The following DOCK4 variants were observed in gnomAD, a reference collection of about 807,000 sequenced individuals.
DOCK4 encodes dedicator of cytokinesis 4.
In DOCK4, 97 loss-of-function variants were observed where a neutral mutation model predicts 268.1. That is an observed-to-expected ratio of 0.36 (90% CI 0.31 to 0.43). The LOEUF (loss-of-function observed/expected upper bound fraction) is 0.43, where lower values mean the gene tolerates loss of function less well. Among genes scored for constraint, DOCK4 ranks in the 20% least tolerant of loss-of-function variants. The pLI, the probability that DOCK4 is intolerant of heterozygous loss-of-function variation, is 1.00. For synonymous variants in DOCK4, 954 were observed against 887.2 expected, an observed-to-expected ratio of 1.08 and a Z score of -1.34; for missense variants, 2,145 against 2,455.7, an observed-to-expected ratio of 0.87 and a Z score of 2.67.
intron 16 of DOCK4, among the ~76,000 whole-genome samples, chr7:111,884,772 A>G (rs1014470959): frequency 1.3e-5 from 2 of 152,194 alleles, no homozygotes; most frequent in African/African-American, 4.8e-5. Context: ...GAGCTTAGGA[A>G]CACAACAAAT....
chr7:111,872,099 A>C lies in DOCK4; in HGVS notation c.1927-9T>G, dbSNP rs1431921732. On this transcript the variant is annotated splice_polypyrimidine_tract_variant and intron_variant, in intron 19 of 52. Transcript: ENST00000428084. ...AAATTTATTATGTGAACCTAAAAAA[A>C]GAAAATTGAGCTTTATAAAACTAAA... 2.6e-6 allele frequency: 4 copies of C among 1,519,858 alleles called. No homozygotes were observed. Among genetic ancestry groups the C allele is most frequent in the Non-Finnish European group, 3.5e-6 (4 of 1,136,310 alleles). The allele number at this position is 1,519,858 out of a possible 1,614,324, so 94.1% of individuals were successfully genotyped here.
chr7:112,040,236 CTCA>C (rs1320291406), intron 1 of DOCK4, among the ~76,000 whole-genome samples: 20 of 152,144 alleles, frequency 1.3e-4, no homozygotes, highest in African/African-American at 4.8e-4. Flanking sequence ...TAGCTTCTAA[CTCA>C]TCAGAATTCT....
intron 12 of DOCK4, among the ~76,000 whole-genome samples, chr7:111,927,434 C>A (rs951388379): frequency 6.6e-6 from 1 of 152,154 alleles, no homozygotes; most frequent in African/African-American, 2.4e-5. Flanking sequence ...GTCTTAACTA[C>A]AAAAGAAATC....
At chr7:111,802,808 T>C (rs1800401710) in intron 30 of DOCK4, among the ~76,000 whole-genome samples, 1 of 152,178 alleles carries the variant, frequency 6.6e-6, no homozygotes, top group Non-Finnish European at 1.5e-5. Flanking sequence ...CATACATCCA[T>C]CATCTAGCTT....
intron 19 of DOCK4, 82 bp from the exon 20 acceptor site, chr7:111,872,172 T>C: frequency 1.5e-6 from 2 of 1,369,266 alleles, no homozygotes; most frequent in South Asian, 2.8e-5. Context: ...TAAAATGAAC[T>C]CTTACATTAT....
chr7:111,840,668 T>C, intron 25 of DOCK4: 1 of 383,246 alleles, frequency 2.6e-6, no homozygotes, highest in Non-Finnish European at 4.1e-6. Flanking sequence ...CCAGTGCTCA[T>C]GCTGGTGTGG....
intron 8 of DOCK4, among the ~76,000 whole-genome samples, chr7:111,958,686 T>C (rs1796626928): frequency 6.6e-6 from 1 of 152,214 alleles, no homozygotes; most frequent in African/African-American, 2.4e-5. Context: ...TTTGGTTTTC[T>C]GCAACTTGGA....
At chr7:111,960,542 T>C (rs1165078276) in intron 8 of DOCK4, among the ~76,000 whole-genome samples, 3 of 146,724 alleles carry the variant, frequency 2.0e-5, no homozygotes, top group African/African-American at 7.5e-5. Context: ...TTTTTTTTTT[T>C]TTTTTGGTGA....
intron 14 of DOCK4, among the ~76,000 whole-genome samples, chr7:111,901,410 A>G (rs565617502): frequency 6.6e-6 from 1 of 152,040 alleles, no homozygotes; most frequent in East Asian, 1.9e-4. Flanking sequence ...TGAATTAAGC[A>G]AACTGTAAAA....
intron 26 of DOCK4, among the ~76,000 whole-genome samples, chr7:111,830,793 T>C (rs1019073663): frequency 2.6e-5 from 4 of 151,512 alleles, no homozygotes; most frequent in African/African-American, 9.7e-5. Context: ...CTGTATATTT[T>C]CCTTTTTTTT....
At chr7:112,056,501 T>A (rs547927603) in intron 1 of DOCK4, among the ~76,000 whole-genome samples, 10 of 152,176 alleles carry the variant, frequency 6.6e-5, no homozygotes, top group Non-Finnish European at 1.0e-4. Context: ...CTTTCCTGCA[T>A]CACAGGGTAA....
chr7:111,932,863 G>A (rs1233405109), intron 12 of DOCK4, among the ~76,000 whole-genome samples: 1 of 151,862 alleles, frequency 6.6e-6, no homozygotes, highest in Non-Finnish European at 1.5e-5. Context: ...CACAGGTCTA[G>A]GGTAAATTTA....
In DOCK4 at chr7:111,843,525, C is replaced by T. The variant is rs115565003; in HGVS notation, c.2736+1238G>A. 2.6e-3 allele frequency among the ~76,000 whole-genome samples: 401 copies of T among 152,220 alleles called. 4 individuals carry two copies. Among genetic ancestry groups the T allele is most frequent in the African/African-American group, 9.3e-3 (385 of 41,540 alleles). On this transcript the variant is annotated intron_variant, in intron 25 of 52. Coordinates refer to ENST00000428084, the MANE Select transcript of DOCK4 (RefSeq NM_001363540.2). ...AAATTAAAACTACAATAAGATATCACTACATAGCTATCAGAATGCTCTCCA... is the reference window on the plus strand; with the variant it reads ...AAATTAAAACTACAATAAGATATCATTACATAGCTATCAGAATGCTCTCCA...
chr7:111,947,728 AT>A (rs1044483869), intron 8 of DOCK4, among the ~76,000 whole-genome samples: 7 of 151,914 alleles, frequency 4.6e-5, no homozygotes, highest in Admixed American at 1.3e-4. Context: ...TATCATTTTA[AT>A]TTTTTTTGGG....
At chr7:112,132,196 G>A (rs536243268) in intron 1 of DOCK4, among the ~76,000 whole-genome samples, 52 of 152,162 alleles carry the variant, frequency 3.4e-4, no homozygotes, top group African/African-American at 1.2e-3. Flanking sequence ...CCCTACTTTA[G>A]AGCCGGAGGA....
intron 1 of DOCK4, among the ~76,000 whole-genome samples, chr7:112,160,645 G>C (rs1291675733): frequency 6.6e-6 from 1 of 152,202 alleles, no homozygotes; most frequent in Non-Finnish European, 1.5e-5. Flanking sequence ...ATCTCCTTAA[G>C]CAGGCACCCC....
chr7:111,800,802 G>A (rs922828970), intron 30 of DOCK4, among the ~76,000 whole-genome samples: 1 of 151,920 alleles, frequency 6.6e-6, no homozygotes, highest in Non-Finnish European at 1.5e-5. Context: ...TCCCCCACAC[G>A]ACACCCCTTT....
chr7:111,915,823 A>G lies in DOCK4; in HGVS notation c.1148T>C (p.Val383Ala). 6.2e-7 allele frequency: 1 copy of G among 1,612,816 alleles called. No homozygotes were observed. The highest frequency in any genetic ancestry group is 2.2e-5 in the East Asian group (1 of 44,842). ...REYSSVFSHGVSITRKLGFSN... is the reference protein window; with the variant it reads ...REYSSVFSHGASITRKLGFSN... Reference sequence around the variant, plus strand: ...AAATCCCAGCTTCCTTGTTATGGATACTCCATGAGAAAATACTGATGAATA... The same window carrying G: ...AAATCCCAGCTTCCTTGTTATGGATGCTCCATGAGAAAATACTGATGAATA... The change falls in exon 13 of 53, where the codon GTA becomes GCA. Residue 383 changes from valine to alanine, a missense_variant. Physicochemically the swap from Val to Ala is moderately conservative, Grantham distance 64. This residue lies in a region of DOCK4 where 1,598 missense variants were observed against 1,986.7 expected (regional missense o/e 0.80). Transcript: ENST00000428084.
chr7:112,073,464 T>G (rs1406638666), intron 1 of DOCK4, among the ~76,000 whole-genome samples: 1 of 152,130 alleles, frequency 6.6e-6, no homozygotes, highest in Admixed American at 6.5e-5. Context: ...ATAATACATG[T>G]ATTACATGTA....
Sources: gnomAD v4.1 joint callset for allele counts (sites outside exome capture counted in the v4.1 genomes callset) on GRCh38, gnomAD v4.1.1 for gene constraint, gnomAD v4.1.1 regional missense constraint, MANE v1.5 for transcripts, NCBI Gene and HGNC (gene_info 2026-07-23, HGNC 2026-07-21) for gene names.